KIF6: variants seen among roughly 807,000 people sequenced by gnomAD.
KIF6 encodes the protein kinesin family member 6, also known as kinesin-like protein KIF6.
Under a neutral mutation model 112.7 loss-of-function variants are expected in KIF6, and 106 were observed. The observed-to-expected ratio is 0.94, with a 90% CI of 0.80 to 1.11. The LOEUF (loss-of-function observed/expected upper bound fraction) is 1.11. Among genes scored for constraint, KIF6 ranks in the 50% least tolerant of loss-of-function variants. The probability of loss-of-function intolerance (pLI) is 0.00; values close to 1 mark genes in which losing one functional copy is unlikely to be tolerated. For missense variants in KIF6, 929 were observed against 964.0 expected (o/e 0.96, Z 0.48); for synonymous variants, 339 against 339.9 (o/e 1.00, Z 0.03).
intron 15 of KIF6, among the ~76,000 whole-genome samples, chr6:39,393,743 T>C (rs1174329130): frequency 1.3e-5 from 2 of 152,128 alleles, no homozygotes; most frequent in Non-Finnish European, 2.9e-5. Context: ...GGGAGGAGGA[T>C]ATATTTGGAA....
rs530126032 is a variant in KIF6, at chr6:39,335,475, T to C, written c.*1057A>G. ...CAAGCCAATTATACTATATTACCACTCTGCTCCCCTCCAGGGTCATCAGGT... is the reference window on the plus strand; with the variant it reads ...CAAGCCAATTATACTATATTACCACCCTGCTCCCCTCCAGGGTCATCAGGT... On this transcript the variant is annotated 3_prime_UTR_variant, in exon 23 of 23. Transcript: ENST00000287152. 1 of 152,282 alleles carries C rather than the reference T, an allele frequency of 6.6e-6. No individual in the cohort carries two copies. The highest frequency in any genetic ancestry group is 6.5e-5 in the Admixed American group (1 of 15,298). 9.4% of individuals were successfully genotyped at this position (152,282 alleles called of 1,614,324 possible). A position where few individuals can be genotyped will look rare whatever the true frequency, so the allele number is the denominator to read the frequency against.
At chr6:39,624,874 T>C (rs1784010089) in intron 5 of KIF6, among the ~76,000 whole-genome samples, 1 of 152,222 alleles carries the variant, frequency 6.6e-6, no homozygotes, top group Non-Finnish European at 1.5e-5. Flanking sequence ...TTCTATTATA[T>C]GGATTAAATG....
At chr6:39,370,304 A>G (rs551553152) in intron 16 of KIF6, among the ~76,000 whole-genome samples, 8 of 152,196 alleles carry the variant, frequency 5.3e-5, no homozygotes, top group Admixed American at 4.6e-4. Context: ...TCTTGCACCT[A>G]TAAGAGCCAG....
chr6:39,342,594 G>GTTTTTT lies in KIF6; in HGVS notation c.2428+1109_2428+1114dup, dbSNP rs1443982685. On this transcript the variant is annotated intron_variant, in intron 22 of 22. Transcript: ENST00000287152. The surrounding 1 kb of genome is among the most constrained non-coding windows in gnomAD (Gnocchi z 4.7). ...GGGGACTTGGAGATCACTGAATCCA[G>GTTTTTT]TTTTTTATTTTTTTTTATTTTTTTT... Among the ~76,000 whole-genome samples, 6 of 124,308 alleles carry GTTTTTT rather than the reference G, an allele frequency of 4.8e-5. 1 individual carries two copies. Among genetic ancestry groups the GTTTTTT allele is most frequent in the African/African-American group, 1.8e-4 (4 of 22,824 alleles). 81.6% of individuals were successfully genotyped at this position (124,308 alleles called of 152,430 possible). A position where few individuals can be genotyped will look rare whatever the true frequency, so the allele number is the denominator to read the frequency against.
chr6:39,697,368 C>G (rs1788604450), intron 3 of KIF6, among the ~76,000 whole-genome samples: 1 of 152,040 alleles, frequency 6.6e-6, no homozygotes, highest in Non-Finnish European at 1.5e-5. Context: ...GTTCATAAGC[C>G]TATCAGGTTG....
intron 13 of KIF6, among the ~76,000 whole-genome samples, chr6:39,488,709 T>C (rs1285596366): frequency 2.6e-5 from 4 of 152,362 alleles, no homozygotes; most frequent in Middle Eastern, 6.8e-3. Context: ...GCCATGTACA[T>C]ATTCCTACTA....
intron 6 of KIF6, among the ~76,000 whole-genome samples, chr6:39,606,918 G>A (rs528822989): frequency 1.4e-4 from 21 of 152,284 alleles, no homozygotes; most frequent in African/African-American, 4.8e-4. Flanking sequence ...CCTGCCTGAG[G>A]TTGGAGGACA....
intron 13 of KIF6, among the ~76,000 whole-genome samples, chr6:39,508,010 C>T (rs1776540536): frequency 7.3e-6 from 1 of 137,172 alleles, no homozygotes; most frequent in Non-Finnish European, 1.5e-5. Context: ...TATCCCTCTC[C>T]CTTCCCCTCC....
intron 10 of KIF6, among the ~76,000 whole-genome samples, chr6:39,574,457 T>C (rs1040586748): frequency 6.6e-6 from 1 of 152,196 alleles, no homozygotes; most frequent in Non-Finnish European, 1.5e-5. Flanking sequence ...TACAGAAAAA[T>C]ACATTTAAAG....
rs1561883100 is a variant in KIF6, at chr6:39,634,518, G to A, written c.509+331C>T. Among the ~76,000 whole-genome samples the A allele has an allele frequency of 4.6e-5, 7 of 152,186 alleles. No individual in the cohort carries two copies. The South Asian group carries it at 1.5e-3, about 32-fold the overall frequency. ...TCAGAAAGAGGCCACAATTAGAAGA[G>A]CAACAGGGTTTCATGTGGCAGGAAG... On this transcript the variant is annotated intron_variant, in intron 5 of 22. Coordinates refer to ENST00000287152, the MANE Select transcript of KIF6 (RefSeq NM_145027.6).
At chr6:39,352,974 GT>G (rs760061550) in intron 19 of KIF6, among the ~76,000 whole-genome samples, 3 of 151,982 alleles carry the variant, frequency 2.0e-5, no homozygotes, top group Admixed American at 1.3e-4. Flanking sequence ...GTGGCTTTCA[GT>G]TTTGGGCAAT....
intron 2 of KIF6, among the ~76,000 whole-genome samples, chr6:39,716,212 T>G (rs1789839336): frequency 6.6e-6 from 1 of 152,204 alleles, no homozygotes; most frequent in South Asian, 2.1e-4. Flanking sequence ...CATTTCTAAT[T>G]GATCTATTCA....
chr6:39,662,016 T>C (rs997142384), intron 3 of KIF6, among the ~76,000 whole-genome samples: 14 of 152,212 alleles, frequency 9.2e-5, no homozygotes, highest in African/African-American at 3.4e-4. Context: ...AGAATAGAGA[T>C]AAAGTAAATC....
intron 3 of KIF6, among the ~76,000 whole-genome samples, chr6:39,659,425 T>A (rs1785997453): frequency 6.6e-6 from 1 of 152,184 alleles, no homozygotes; most frequent in Admixed American, 6.5e-5. Flanking sequence ...ACAGAACTGG[T>A]CAGTAAGCAC....
intron 3 of KIF6, among the ~76,000 whole-genome samples, chr6:39,712,367 A>G (rs961748936): frequency 1.3e-5 from 2 of 152,130 alleles, no homozygotes; most frequent in Admixed American, 1.3e-4. Flanking sequence ...AAAAGGATAA[A>G]GAGGAATATT....
chr6:39,464,316 CAT>C (rs1186429487), intron 13 of KIF6, among the ~76,000 whole-genome samples: 1 of 152,180 alleles, frequency 6.6e-6, no homozygotes, highest in Admixed American at 6.5e-5. Flanking sequence ...TAAACGAAAA[CAT>C]ATTTATTTTG....
At chr6:39,344,731 C>A (rs990083559) in intron 21 of KIF6, among the ~76,000 whole-genome samples, 4 of 152,162 alleles carry the variant, frequency 2.6e-5, no homozygotes, top group African/African-American at 9.7e-5. Context: ...GATGTCATAT[C>A]ATTCAGTGCT....
chr6:39,470,326 G>C (rs1049198886), intron 13 of KIF6, among the ~76,000 whole-genome samples: 5 of 152,182 alleles, frequency 3.3e-5, no homozygotes, highest in African/African-American at 1.2e-4. Flanking sequence ...GGGTAGCTGA[G>C]CCGTACAATG....
intron 6 of KIF6, among the ~76,000 whole-genome samples, chr6:39,610,252 G>A (rs1783144307): frequency 6.6e-6 from 1 of 152,056 alleles, no homozygotes; most frequent in South Asian, 2.1e-4. Context: ...TTATCCTAGG[G>A]ACATAATCAA....
Sources: allele counts gnomAD v4.1 joint callset (sites outside exome capture counted in the v4.1 genomes callset), GRCh38; gene constraint gnomAD v4.1.1; non-coding constraint Gnocchi (gnomAD v3.1); transcripts MANE v1.5; gene names NCBI Gene and HGNC (gene_info 2026-07-23, HGNC 2026-07-21).